FAM228B: variants seen among roughly 807,000 people sequenced by gnomAD.
FAM228B encodes family with sequence similarity 228 member B.
In FAM228B, 38 loss-of-function variants were observed where a neutral mutation model predicts 42.6. The ratio of observed to expected loss-of-function variants is 0.89; its 90% CI spans 0.69 to 1.17. The LOEUF (loss-of-function observed/expected upper bound fraction) is 1.17. FAM228B is among the 50% of genes most tolerant of loss of function. FAM228B has a pLI of 0.00. For missense variants in FAM228B, 344 were observed against 367.3 expected, an observed-to-expected ratio of 0.94 and a Z score of 0.52; for synonymous variants, 109 against 122.3, an observed-to-expected ratio of 0.89 and a Z score of 0.72.
At chr2:24,090,365 G>A (rs1444854007) in intron 2 of FAM228B, among the ~76,000 whole-genome samples, 2 of 151,918 alleles carry the variant, frequency 1.3e-5, no homozygotes, top group Non-Finnish European at 2.9e-5. Context: ...GAGCAGAACA[G>A]TTGAGGTCAG....
At chr2:24,118,394 G>T (rs1305322417) in intron 3 of FAM228B, among the ~76,000 whole-genome samples, 2 of 152,140 alleles carry the variant, frequency 1.3e-5, no homozygotes, top group East Asian at 1.9e-4. Flanking sequence ...TTAAGATTCA[G>T]CTCTCTGGCG....
intron 5 of FAM228B, among the ~76,000 whole-genome samples, chr2:24,141,156 C>G (rs1398590434): frequency 1.3e-5 from 2 of 151,860 alleles, no homozygotes; most frequent in Non-Finnish European, 2.9e-5. Flanking sequence ...GCTCCTGCAA[C>G]CTCCCCATCC....
chr2:24,111,720 A>G, intron 3 of FAM228B, among the ~76,000 whole-genome samples: 1 of 152,134 alleles, frequency 6.6e-6, no homozygotes, highest in South Asian at 2.1e-4. Context: ...CTGCTTCTCC[A>G]GTCTCTGACT....
intron 3 of FAM228B, among the ~76,000 whole-genome samples, chr2:24,117,905 A>T (rs1665977018): frequency 1.3e-5 from 2 of 152,216 alleles, no homozygotes; most frequent in South Asian, 4.1e-4. Context: ...TCATACGACC[A>T]TTTCCAAGAT....
chr2:24,121,082 A>C (rs1186885035), upstream of FAM228B: 15 of 1,535,420 alleles, frequency 9.8e-6, no homozygotes, highest in East Asian at 2.9e-4. Context: ...TCTGTTTTAC[A>C]GAAAGGATCA....
At chr2:24,124,592 T>C (rs1666256278) in intron 2 of FAM228B, 132 bp downstream of exon 2, 1 of 591,012 alleles carries the variant, frequency 1.7e-6, no homozygotes. Flanking sequence ...TCCCTTCACT[T>C]TACTAACTTT....
chr2:24,122,434 T>TG, upstream of FAM228B: 1 of 1,612,704 alleles, frequency 6.2e-7, no homozygotes, highest in Non-Finnish European at 8.5e-7. Flanking sequence ...AACCTGGTGA[T>TG]GCTACACACA....
At chr2:24,165,389 T>C in intron 9 of FAM228B, 1 of 471,150 alleles carries the variant, frequency 2.1e-6, no homozygotes, top group Admixed American at 2.3e-5. Context: ...TCTGTGCAGA[T>C]GTGATCATCC....
upstream of FAM228B, chr2:24,121,447 AACACTTCGTG>A: frequency 1.4e-6 from 1 of 713,170 alleles, no homozygotes; most frequent in Non-Finnish European, 2.2e-6. Context: ...TCAAAAGAAT[AACACTTCGTG>A]ACACTTACAA....
intron 2 of FAM228B, chr2:24,085,987 G>C (rs1665231302): frequency 6.6e-6 from 1 of 152,246 alleles, no homozygotes; most frequent in South Asian, 2.1e-4. Context: ...TGTAATCCCA[G>C]AACTTTGGGA....
chr2:24,166,761 AGAGGAGGCT>A (rs1667426024), intron 9 of FAM228B, among the ~76,000 whole-genome samples: 4 of 152,194 alleles, frequency 2.6e-5, no homozygotes, highest in Non-Finnish European at 5.9e-5. Context: ...TGGAGAAGTC[AGAGGAGGCT>A]TCTCCTCTGA....
At chr2:24,147,170 A>T (rs1213991923) in intron 7 of FAM228B, 84 bp downstream of exon 7, 1 of 944,274 alleles carries the variant, frequency 1.1e-6, no homozygotes. Flanking sequence ...CATAGTTATG[A>T]TTTTTTAAAA....
chr2:24,131,790 C>T (rs1235579119), intron 2 of FAM228B, among the ~76,000 whole-genome samples: 1 of 152,212 alleles, frequency 6.6e-6, no homozygotes, highest in Admixed American at 6.5e-5. Flanking sequence ...GACAATTTGA[C>T]TTCATCTCTT....
rs1420217621 is a variant in FAM228B at position 24,083,122 on chromosome 2, C to T, written c.-210+2167C>T. ...GCCTCAAGTCCCAAAATGTTGCTGG[C>T]TCCTGGAGGTGGGTCATACTGGCCT... is the stretch of plus-strand genomic sequence containing the variant. On this transcript the variant is annotated intron_variant, in intron 2 of 10. Transcript: ENST00000613899. The T allele has an allele frequency of 1.9e-6, 3 of 1,613,148 alleles. No individual in the cohort carries two copies. The African/African-American group carries it at 4.0e-5, about 22-fold the overall frequency.
upstream of FAM228B, among the ~76,000 whole-genome samples, chr2:24,120,161 C>T (rs922764064): frequency 1.3e-5 from 2 of 151,886 alleles, no homozygotes; most frequent in Admixed American, 6.6e-5. Flanking sequence ...CCCAGCTACT[C>T]GGTAAGCTGA....
intron 9 of FAM228B, chr2:24,165,489 G>A: frequency 2.1e-6 from 1 of 470,960 alleles, no homozygotes; most frequent in South Asian, 1.5e-5. Context: ...TCCCAGATGG[G>A]AGCCCTCCAC....
chr2:24,102,604 G>A (rs1472559797), intron 3 of FAM228B, among the ~76,000 whole-genome samples: 1 of 152,294 alleles, frequency 6.6e-6, no homozygotes, highest in Non-Finnish European at 1.5e-5. Context: ...TGGGTATGGT[G>A]GCAGGTGCCT....
At position 24,169,575 on chromosome 2, in the gene FAM228B, T is replaced by C. The variant is rs1026257326; in HGVS notation, c.*234T>C. On this transcript the variant is annotated 3_prime_UTR_variant, in exon 11 of 11. Coordinates refer to ENST00000615575, the MANE Select transcript of FAM228B (RefSeq NM_001145710.2). This position sits in a 1 kb window ranked among gnomAD's most constrained non-coding sequence, Gnocchi z 4.2. ...ATAATTAAGAAATGGCAATACCATG[T>C]ATTTTCCCCAGAAGTTAAGAAATAT... is the stretch of plus-strand genomic sequence containing the variant. 1.1e-5 allele frequency: 3 copies of C among 284,452 alleles called. No homozygotes were observed. Among genetic ancestry groups the C allele is most frequent in the Non-Finnish European group, 2.3e-5 (3 of 129,974 alleles). 17.6% of individuals were successfully genotyped at this position (284,452 alleles called of 1,614,324 possible). A position where few individuals can be genotyped will look rare whatever the true frequency, so the allele number is the denominator to read the frequency against.
At chr2:24,122,371 G>A, upstream of FAM228B, 2 of 1,199,138 alleles carry the variant, frequency 1.7e-6, no homozygotes. Flanking sequence ...TGGAAGAATA[G>A]AAATAATAAG....
Sources: allele counts gnomAD v4.1 joint callset (sites outside exome capture counted in the v4.1 genomes callset), GRCh38; gene constraint gnomAD v4.1.1; non-coding constraint Gnocchi (gnomAD v3.1); transcripts MANE v1.5; gene names NCBI Gene and HGNC (gene_info 2026-07-23, HGNC 2026-07-21).